Variants in GPRIN1 observed in about 807,000 individuals in gnomAD.
The protein encoded by GPRIN1 is G protein regulated inducer of neurite outgrowth 1, also known as G protein-regulated inducer of neurite outgrowth 1.
In GPRIN1, 4 loss-of-function variants were observed where a neutral mutation model predicts 2.8. That is an observed-to-expected ratio of 1.45 (90% CI 0.71 to 3.32). The LOEUF (loss-of-function observed/expected upper bound fraction) is 3.32. GPRIN1 is among the 30% of genes most tolerant of loss of function. GPRIN1 has a pLI of 0.01. For synonymous variants in GPRIN1, 589 were observed against 589.9 expected, an observed-to-expected ratio of 1.00 and a Z score of 0.02; for missense variants, 1,322 against 1,343.4, an observed-to-expected ratio of 0.98 and a Z score of 0.25.
chr5:176,597,109 G>A lies in GPRIN1; in HGVS notation c.2726C>T (p.Pro909Leu). The A allele has an allele frequency of 6.8e-7, 1 of 1,476,740 alleles. No homozygotes were observed. Among genetic ancestry groups the A allele is most frequent in the Non-Finnish European group, 9.0e-7 (1 of 1,110,820 alleles). The allele number at this position is 1,476,740 out of a possible 1,614,324, so 91.5% of individuals were successfully genotyped here. A position where few individuals can be genotyped will look rare whatever the true frequency, so the allele number is the denominator to read the frequency against. Residue 909 changes from proline to leucine, a missense_variant, in exon 2 of 2, where the codon CCC becomes CTC. By Grantham distance (98) the Pro-to-Leu change is moderately conservative. Transcript: ENST00000303991. This position sits in a 1 kb window ranked among gnomAD's most constrained non-coding sequence, Gnocchi z 6.1. ...CTCGTCCCAGCTCACGTCTCGCACGGGCTCAGCCGGCTCCGGGGGCGCTAC... is the reference window on the plus strand; with the variant it reads ...CTCGTCCCAGCTCACGTCTCGCACGAGCTCAGCCGGCTCCGGGGGCGCTAC... Reference protein sequence around the residue: ...AAVAPPEPAEPVRDVSWDEKG... With the variant: ...AAVAPPEPAELVRDVSWDEKG...
chr5:176,598,591 T>C lies in GPRIN1; in HGVS notation c.1244A>G (p.Lys415Arg). The change falls in exon 2 of 2, where the codon AAG (lysine) becomes AGG (arginine). Residue 415 changes from lysine (K) to arginine (R), a missense_variant. Coordinates refer to ENST00000303991, the MANE Select transcript of GPRIN1 (RefSeq NM_052899.3). ...CTTTCCCAGAGAAACTGGATCCACC[T>C]TGCCTGAAGACATGGGATCCACATT... The part of the protein sequence containing the change: ...LKNVDPMSSG[K>R]VDPVSLGKMD... The C allele has an allele frequency of 6.2e-7, 1 of 1,614,172 alleles. No homozygotes were observed. The highest frequency in any genetic ancestry group is 8.5e-7 in the Non-Finnish European group (1 of 1,180,040).
chr5:176,601,778 C>A (rs193184326), intron 1 of GPRIN1, among the ~76,000 whole-genome samples: 4 of 152,148 alleles, frequency 2.6e-5, no homozygotes, highest in Middle Eastern at 3.2e-3. Flanking sequence ...TCACACCCCA[C>A]GTCTATCAGC....
At chr5:176,607,940 T>TTC (rs1759248109) in intron 1 of GPRIN1, among the ~76,000 whole-genome samples, 1 of 102,412 alleles carries the variant, frequency 9.8e-6, no homozygotes, top group African/African-American at 3.8e-5. Context: ...TTTTTTTTTT[T>TTC]CTGAAGACAG....
intron 1 of GPRIN1, among the ~76,000 whole-genome samples, chr5:176,600,823 G>A (rs1278937104): frequency 6.6e-6 from 1 of 152,204 alleles, no homozygotes; most frequent in Admixed American, 6.5e-5. Context: ...GGCCGAGGCA[G>A]GAGAATTGCT....
chr5:176,598,212 C>T lies in GPRIN1; in HGVS notation c.1623G>A (p.Gly541=). 1 of 1,612,616 alleles carries T rather than the reference C, an allele frequency of 6.2e-7. No individual in the cohort carries two copies. Among genetic ancestry groups the T allele is most frequent in the East Asian group, 2.2e-5 (1 of 44,878 alleles). The stretch of plus-strand genomic sequence containing the variant: ...TGCCCACCGCGAGGGGCTCGGCCTT[C>T]CCTGAGGCTGTGGGAGCCGCCTTTC... ...ASGKAAPTAS[G]KAEPLAVGKE... The change falls in exon 2 of 2, where the codon GGG becomes GGA. Residue 541 remains glycine, a synonymous_variant. Coordinates refer to ENST00000303991, the MANE Select transcript of GPRIN1 (RefSeq NM_052899.3).
In GPRIN1 at chr5:176,602,357, C is replaced by T. The variant is rs1463267957; in HGVS notation, c.-43-2480G>A. Among the ~76,000 whole-genome samples the T allele has an allele frequency of 1.3e-5, 2 of 152,156 alleles. No homozygotes were observed. Among genetic ancestry groups the T allele is most frequent in the Non-Finnish European group, 1.5e-5 (1 of 68,046 alleles). ...CACCATCTGACATATCACATATATT[C>T]GCTTATTGCTTGTGGTGTGTTGCTC... On this transcript the variant is annotated intron_variant, in intron 1 of 1. Coordinates refer to ENST00000303991, the MANE Select transcript of GPRIN1 (RefSeq NM_052899.3). The surrounding 1 kb of genome is among the most constrained non-coding windows in gnomAD (Gnocchi z 4.4).
intron 1 of GPRIN1, among the ~76,000 whole-genome samples, chr5:176,607,290 C>G (rs1338683031): frequency 6.6e-6 from 1 of 152,214 alleles, no homozygotes; most frequent in African/African-American, 2.4e-5. Flanking sequence ...CCCACATTCT[C>G]TCCCCGCAAC....
rs1198205089 is a variant in GPRIN1 at position 176,597,618 on chromosome 5, C to T, written c.2217G>A (p.Glu739=). The T allele has an allele frequency of 6.2e-7, 1 of 1,600,780 alleles. No homozygotes were observed. Residue 739 remains glutamate, a synonymous_variant, in exon 2 of 2, where the codon GAG becomes GAA. Transcript: ENST00000303991. The surrounding 1 kb of genome is among the most constrained non-coding windows in gnomAD (Gnocchi z 6.1). ...RKALGSARSP[E]GARGSEGRVE... The stretch of plus-strand genomic sequence containing the variant: ...CGCGGCCTTCACTGCCCCTGGCACC[C>T]TCGGGAGACCGGGCTGAGCCGAGGG...
In GPRIN1 at chr5:176,597,197, C is replaced by G; in HGVS notation, c.2638G>C (p.Ala880Pro). The change falls in exon 2 of 2, where the codon GCC (alanine) becomes CCC (proline). Residue 880 changes from alanine (A) to proline (P), a missense_variant. Ala to Pro is a conservative substitution (Grantham distance 27, BLOSUM62 -1). Coordinates refer to ENST00000303991, the MANE Select transcript of GPRIN1 (RefSeq NM_052899.3). The surrounding 1 kb of genome is among the most constrained non-coding windows in gnomAD (Gnocchi z 6.1). ...TCGGGGAAGGCGGGCGGCGCGGCGG[C>G]TTGAGGTGTCATGGGCCCAGTGGCC... ...SVATGPMTPQ[A>P]AAPPAFPEVR... is the part of the protein sequence containing the mutation. 7.6e-7 allele frequency: 1 copy of G among 1,317,476 alleles called. No homozygotes were observed. The highest frequency in any genetic ancestry group is 9.7e-7 in the Non-Finnish European group (1 of 1,033,090). The allele number at this position is 1,317,476 out of a possible 1,614,324, so 81.6% of individuals were successfully genotyped here.
chr5:176,609,599 G>C (rs918505651), intron 1 of GPRIN1, among the ~76,000 whole-genome samples: 3 of 152,128 alleles, frequency 2.0e-5, no homozygotes, highest in Non-Finnish European at 1.5e-5. Flanking sequence ...CGGGGAAGAT[G>C]AATCAACGCG....
rs1759020968 is a variant in GPRIN1 at position 176,595,858 on chromosome 5, G to C, written c.*950C>G. On this transcript the variant is annotated 3_prime_UTR_variant, in exon 2 of 2. Transcript: ENST00000303991. ...GTGACAGTTTGTAGCCAAAAACTGC[G>C]GCTGGAGGGGTGGGGACGGGACACT... 3.8e-5 allele frequency: 21 copies of C among 548,316 alleles called. No individual in the cohort carries two copies. The South Asian group carries it at 7.9e-4, about 21-fold the overall frequency. 34.0% of individuals were successfully genotyped at this position (548,316 alleles called of 1,614,324 possible). A position where few individuals can be genotyped will look rare whatever the true frequency, so the allele number is the denominator to read the frequency against.
In GPRIN1 at chr5:176,597,912, CTT is replaced by C; in HGVS notation, c.1921_1922del (p.Lys641AlafsTer104). On this transcript the variant is annotated frameshift_variant, in exon 2 of 2. Transcript: ENST00000303991. LOFTEE classifies it low-confidence loss of function (END_TRUNC). The surrounding 1 kb of genome is among the most constrained non-coding windows in gnomAD (Gnocchi z 6.1). ...QPQSGGKAET[K>X]LPGQEGAAAP... is the part of the protein sequence containing the mutation. ...CTGCAGCGCCCTCTTGCCCAGGGAG[CTT>C]TGTTTCTGCTTTGCCACCAGACTGC... 6.2e-7 allele frequency: 1 copy of C among 1,613,902 alleles called. No homozygotes were observed. The highest frequency in any genetic ancestry group is 8.5e-7 in the Non-Finnish European group (1 of 1,179,994).
In GPRIN1 at chr5:176,598,890, C is replaced by A; in HGVS notation, c.945G>T (p.Pro315=). The A allele has an allele frequency of 6.2e-7, 1 of 1,614,082 alleles. No homozygotes were observed. The highest frequency in any genetic ancestry group is 1.3e-5 in the African/African-American group (1 of 75,020). The change falls in exon 2 of 2, where the codon CCG becomes CCT. Residue 315 remains proline, a synonymous_variant. Transcript: ENST00000303991. ...MDSASTGKTE[P]GLLGKLIPGS... is the part of the protein sequence containing the mutation. ...CTGGAATCAGCTTGCCCAGGAGCCC[C>A]GGCTCTGTCTTTCCTGTGGACGCAG...
Position 176,596,918 on chromosome 5 carries a change from T to A in GPRIN1, c.2917A>T (p.Thr973Ser), listed in dbSNP as rs1759045426. ...TTGGCGGCGCCATCTGGGGGCGCGGTGCGCACCGAGCCCGAACGGCCGGGG... is the reference window on the plus strand; with the variant it reads ...TTGGCGGCGCCATCTGGGGGCGCGGAGCGCACCGAGCCCGAACGGCCGGGG... ...AGPGRSGSVR[T>S]APPDGAAKRP... Residue 973 changes from threonine to serine, a missense_variant, in exon 2 of 2, where the codon ACC becomes TCC. Physicochemically the swap from Thr to Ser is moderately conservative, Grantham distance 58. Coordinates refer to ENST00000303991, the MANE Select transcript of GPRIN1 (RefSeq NM_052899.3). The surrounding 1 kb of genome is among the most constrained non-coding windows in gnomAD (Gnocchi z 5.2). The A allele has an allele frequency of 1.2e-5, 15 of 1,212,510 alleles. No homozygotes were observed. Among genetic ancestry groups the A allele is most frequent in the Non-Finnish European group, 1.5e-5 (15 of 976,570 alleles). 75.1% of individuals were successfully genotyped at this position (1,212,510 alleles called of 1,614,324 possible). A position where few individuals can be genotyped will look rare whatever the true frequency, so the allele number is the denominator to read the frequency against.
chr5:176,600,630 A>T (rs1278739549), intron 1 of GPRIN1, among the ~76,000 whole-genome samples: 44 of 152,106 alleles, frequency 2.9e-4, no homozygotes, highest in Admixed American at 2.9e-3. Context: ...GTCTAAAGGG[A>T]TGGCCGGGTG....
Position 176,599,730 on chromosome 5 carries a change from C to G in GPRIN1, c.105G>C (p.Leu35=). 2 of 1,556,406 alleles carry G rather than the reference C, an allele frequency of 1.3e-6. No individual in the cohort carries two copies. The highest frequency in any genetic ancestry group is 1.7e-6 in the Non-Finnish European group (2 of 1,149,652). ...TAFFCPQDGS[L]GAGSSAMRDY... ...CCCTCATAGCCGAGCTGCCAGCCCC[C>G]AGGCTCCCATCCTGTGGGCAGAAGA... Residue 35 remains leucine (L), a synonymous_variant, in exon 2 of 2, where the codon CTG becomes CTC. Transcript: ENST00000303991.
Position 176,599,680 on chromosome 5 carries a change from G to A in GPRIN1, c.155C>T (p.Ala52Val). The A allele has an allele frequency of 6.4e-7, 1 of 1,569,664 alleles. No homozygotes were observed. The highest frequency in any genetic ancestry group is 8.6e-7 in the Non-Finnish European group (1 of 1,156,218). Reference protein sequence around the residue: ...MRDYCPSQQKASPAPPRHTPD... With the variant: ...MRDYCPSQQKVSPAPPRHTPD... ...GGTGTGCCTGGGGGGTGCAGGGCTT[G>A]CCTTTTGCTGGGAGGGGCAGTAATC... The change falls in exon 2 of 2, where the codon GCA becomes GTA. Residue 52 changes from alanine to valine, a missense_variant. By Grantham distance (64) the Ala-to-Val change is moderately conservative. Coordinates refer to ENST00000303991, the MANE Select transcript of GPRIN1 (RefSeq NM_052899.3).
At position 176,610,146 on chromosome 5, in the gene GPRIN1, C is replaced by A. The variant is rs953372428; in HGVS notation, c.-191G>T. The A allele has an allele frequency of 6.0e-5, 9 of 150,360 alleles. No individual in the cohort carries two copies. Among genetic ancestry groups the A allele is most frequent in the Admixed American group, 2.7e-4 (4 of 15,080 alleles). 9.3% of individuals were successfully genotyped at this position (150,360 alleles called of 1,614,324 possible). A position where few individuals can be genotyped will look rare whatever the true frequency, so the allele number is the denominator to read the frequency against. ...GCGCCGCCGTCCCCAGCGCCGGCTC[C>A]GCGCTCCCGCCCCGCGCCCCGCCCC... On this transcript the variant is annotated 5_prime_UTR_variant, in exon 1 of 2. Coordinates refer to ENST00000303991, the MANE Select transcript of GPRIN1 (RefSeq NM_052899.3).
Position 176,598,502 on chromosome 5 carries a change from C to T in GPRIN1, c.1333G>A (p.Val445Met). 6.2e-7 allele frequency: 1 copy of T among 1,614,192 alleles called. No homozygotes were observed. The highest frequency in any genetic ancestry group is 8.5e-7 in the Non-Finnish European group (1 of 1,180,048). The change falls in exon 2 of 2, where the codon GTG becomes ATG. Residue 445 changes from valine to methionine, a missense_variant. Physicochemically the swap from Val to Met is conservative, Grantham distance 21. Coordinates refer to ENST00000303991, the MANE Select transcript of GPRIN1 (RefSeq NM_052899.3). Reference sequence around the variant, plus strand: ...GGGGATACAGTTCCTGCCTTTCCCACAGACACACGCTCTGCCTGTCCAGGA... The same window carrying T: ...GGGGATACAGTTCCTGCCTTTCCCATAGACACACGCTCTGCCTGTCCAGGA... ...LSPGQAERVS[V>M]GKAGTVSPGK...
Sources: gnomAD v4.1 joint callset for allele counts (sites outside exome capture counted in the v4.1 genomes callset) on GRCh38, gnomAD v4.1.1 for gene constraint, Gnocchi (gnomAD v3.1) non-coding constraint, MANE v1.5 for transcripts, NCBI Gene and HGNC (gene_info 2026-07-23, HGNC 2026-07-21) for gene names.